TMEM132C: variants seen among roughly 807,000 people sequenced by gnomAD.
The protein encoded by TMEM132C is transmembrane protein 132C, also known as protein phosphatase 1, regulatory subunit 152.
TMEM132C carries 29 observed loss-of-function variants against 61.4 expected under a neutral mutation model. The observed-to-expected ratio is 0.47, with a 90% CI of 0.35 to 0.64. The LOEUF (loss-of-function observed/expected upper bound fraction) is 0.64. Among genes scored for constraint, TMEM132C ranks in the 30% least tolerant of loss-of-function variants. TMEM132C has a pLI of 0.00. For synonymous variants in TMEM132C, 656 were observed against 633.1 expected, an observed-to-expected ratio of 1.04 and a Z score of -0.54; for missense variants, 1,408 against 1,476.9, an observed-to-expected ratio of 0.95 and a Z score of 0.76.
At chr12:128,540,021 C>CCTCTTAAT (rs761490867) in intron 2 of TMEM132C, among the ~76,000 whole-genome samples, 39 of 152,182 alleles carry the variant, frequency 2.6e-4, no homozygotes, top group Non-Finnish European at 5.0e-4. Flanking sequence ...TCAAAGCCAT[C>CCTCTTAAT]CTCTTAATTT....
chr12:128,271,115 G>C (rs1299171056), intron 1 of TMEM132C, among the ~76,000 whole-genome samples: 1 of 151,880 alleles, frequency 6.6e-6, no homozygotes, highest in African/African-American at 2.4e-5. Context: ...TTAGCTGGGC[G>C]TGGTGGCGGG....
At chr12:128,548,731 T>A (rs781370500) in intron 3 of TMEM132C, among the ~76,000 whole-genome samples, 1 of 152,244 alleles carries the variant, frequency 6.6e-6, no homozygotes, top group Non-Finnish European at 1.5e-5. Context: ...ATGAGTTCTG[T>A]GTTCACAGAT....
At position 128,278,750 on chromosome 12, in the gene TMEM132C, ATGTGTGTGTGTGTGTG is replaced by A. The variant is rs35003496; in HGVS notation, c.85+11285_85+11300del. ...TGTGCAGACTTGATTCTATACGTGT[ATGTGTGTGTGTGTGTG>A]TGTGTGTGTGTGTGTGTGTGTTTGG... On this transcript the variant is annotated intron_variant, in intron 1 of 8. Transcript: ENST00000435159. The surrounding 1 kb of genome is among the most constrained non-coding windows in gnomAD (Gnocchi z 4.2). Among the ~76,000 whole-genome samples, 2 of 137,058 alleles carry A rather than the reference ATGTGTGTGTGTGTGTG, an allele frequency of 1.5e-5. No homozygotes were observed. The highest frequency in any genetic ancestry group is 3.3e-5 in the Non-Finnish European group (2 of 61,348). 89.9% of individuals were successfully genotyped at this position (137,058 alleles called of 152,430 possible). A position where few individuals can be genotyped will look rare whatever the true frequency, so the allele number is the denominator to read the frequency against.
At chr12:128,686,884 G>A (rs143372753) in intron 5 of TMEM132C, among the ~76,000 whole-genome samples, 56 of 152,170 alleles carry the variant, frequency 3.7e-4, no homozygotes, top group Non-Finnish European at 5.9e-4. Context: ...AGGGAGGTTC[G>A]GGGGAGTTGC....
intron 3 of TMEM132C, among the ~76,000 whole-genome samples, chr12:128,602,930 T>TC (rs1287144394): frequency 6.6e-6 from 1 of 152,206 alleles, no homozygotes; most frequent in Non-Finnish European, 1.5e-5. Context: ...ATCAGAACCT[T>TC]CATCTATTGC....
intron 1 of TMEM132C, among the ~76,000 whole-genome samples, chr12:128,325,056 G>A (rs551935988): frequency 6.6e-6 from 1 of 152,192 alleles, no homozygotes; most frequent in South Asian, 2.1e-4. Context: ...TGAGCTAGAG[G>A]GGAGGAGAGG....
At chr12:128,351,043 A>G (rs1446846041) in intron 1 of TMEM132C, among the ~76,000 whole-genome samples, 6 of 152,152 alleles carry the variant, frequency 3.9e-5, no homozygotes, top group Non-Finnish European at 7.3e-5. Flanking sequence ...AAATGCCCCA[A>G]CTGTCCAAGA....
chr12:128,377,094 G>A lies in TMEM132C; in HGVS notation c.86-37638G>A, dbSNP rs376804494. On this transcript the variant is annotated intron_variant, in intron 1 of 8. Transcript: ENST00000435159. ...TTTTGAGATGGAGTCTTGCTTTGTC[G>A]CCCAGGCTGGAGTGCAGTGGTGTGA... 4.4e-4 allele frequency among the ~76,000 whole-genome samples: 66 copies of A among 149,764 alleles called. No homozygotes were observed. In the East Asian group the frequency reaches 6.9e-3, roughly 16 times the overall value.
intron 4 of TMEM132C, among the ~76,000 whole-genome samples, chr12:128,620,109 G>C (rs1256142408): frequency 6.6e-6 from 1 of 151,748 alleles, no homozygotes; most frequent in East Asian, 1.9e-4. Context: ...GCACACACCT[G>C]TAGACCCAGC....
chr12:128,619,795 A>G (rs1031086446), intron 4 of TMEM132C, among the ~76,000 whole-genome samples: 12 of 152,174 alleles, frequency 7.9e-5, no homozygotes, highest in African/African-American at 2.7e-4. Flanking sequence ...GACAACTAAA[A>G]TGTTGGCAGT....
chr12:128,568,499 T>C (rs1015264959), intron 3 of TMEM132C, among the ~76,000 whole-genome samples: 1 of 152,208 alleles, frequency 6.6e-6, no homozygotes, highest in Non-Finnish European at 1.5e-5. Context: ...CTGGGCATTA[T>C]TCTAAGCACT....
chr12:128,375,343 TC>T (rs2135985329), intron 1 of TMEM132C, among the ~76,000 whole-genome samples: 1 of 152,176 alleles, frequency 6.6e-6, no homozygotes, highest in South Asian at 2.1e-4. Flanking sequence ...AAAAGACATT[TC>T]TGGAGGCCAG....
intron 3 of TMEM132C, among the ~76,000 whole-genome samples, chr12:128,566,501 T>C (rs1422505708): frequency 6.6e-6 from 1 of 152,228 alleles, no homozygotes; most frequent in African/African-American, 2.4e-5. Context: ...TTTGGCCCTA[T>C]ATTGATTGCA....
At position 128,444,504 on chromosome 12, in the gene TMEM132C, A is replaced by G. The variant is rs1189046920; in HGVS notation, c.974+28884A>G. On this transcript the variant is annotated intron_variant, in intron 2 of 8. Transcript: ENST00000435159. ...GCAGGCAGGGAGGGAGCAGACTGGT[A>G]GTGAATTAAGCGCATTTTCAGATTC... Among the ~76,000 whole-genome samples the G allele has an allele frequency of 3.9e-5, 6 of 152,312 alleles. No individual in the cohort carries two copies. The East Asian group carries it at 9.7e-4, about 25-fold the overall frequency.
intron 1 of TMEM132C, among the ~76,000 whole-genome samples, chr12:128,414,220 C>A (rs1036069916): frequency 6.6e-6 from 1 of 151,792 alleles, no homozygotes; most frequent in Admixed American, 6.6e-5. Context: ...GACCCCATCT[C>A]TATTAAAAAA....
chr12:128,531,290 A>G lies in TMEM132C; in HGVS notation c.975-12667A>G, dbSNP rs114555252. Among the ~76,000 whole-genome samples, 404 of 152,354 alleles carry G rather than the reference A, an allele frequency of 2.7e-3. 3 individuals carry two copies. The highest frequency in any genetic ancestry group is 9.1e-3 in the African/African-American group (379 of 41,582). On this transcript the variant is annotated intron_variant, in intron 2 of 8. Coordinates refer to ENST00000435159, the MANE Select transcript of TMEM132C (RefSeq NM_001136103.3). ...AGTTTTCATTTGATAGGGAAGATCAAAGTAAATGGTAAAAGGCAGCAAAAG... is the reference window on the plus strand; with the variant it reads ...AGTTTTCATTTGATAGGGAAGATCAGAGTAAATGGTAAAAGGCAGCAAAAG...
intron 2 of TMEM132C, among the ~76,000 whole-genome samples, chr12:128,448,855 T>C (rs990446928): frequency 1.3e-5 from 2 of 152,074 alleles, no homozygotes; most frequent in Admixed American, 1.3e-4. Flanking sequence ...TGAAGGAGTG[T>C]TTTGTTGGGC....
intron 4 of TMEM132C, among the ~76,000 whole-genome samples, chr12:128,665,625 A>G (rs933935694): frequency 1.5e-5 from 2 of 135,110 alleles, no homozygotes; most frequent in African/African-American, 3.7e-5. Context: ...ACACAGGCAC[A>G]CACACACACA....
chr12:128,343,538 T>C (rs1250261700), intron 1 of TMEM132C, among the ~76,000 whole-genome samples: 1 of 152,208 alleles, frequency 6.6e-6, no homozygotes, highest in Admixed American at 6.5e-5. Context: ...GAGTATCTTA[T>C]CCTGTTGTTG....
Sources: gnomAD v4.1 joint callset for allele counts (sites outside exome capture counted in the v4.1 genomes callset) on GRCh38, gnomAD v4.1.1 for gene constraint, Gnocchi (gnomAD v3.1) non-coding constraint, MANE v1.5 for transcripts, NCBI Gene and HGNC (gene_info 2026-07-23, HGNC 2026-07-21) for gene names.